FAM200B: variants seen among roughly 807,000 people sequenced by gnomAD.
FAM200B encodes the protein protein FAM200B.
FAM200B carries 32 observed loss-of-function variants against 33.1 expected under a neutral mutation model. That is an observed-to-expected ratio of 0.97 (90% CI 0.73 to 1.30). FAM200B has a LOEUF of 1.30. Among genes scored for constraint, FAM200B ranks in the 50% most tolerant of loss-of-function variants. The probability of loss-of-function intolerance (pLI) is 0.00; values close to 1 mark genes in which losing one functional copy is unlikely to be tolerated. For missense variants in FAM200B, 741 were observed against 754.0 expected, an observed-to-expected ratio of 0.98 and a Z score of 0.20; for synonymous variants, 240 against 264.8, an observed-to-expected ratio of 0.91 and a Z score of 0.91.
the FAM200B span, among the ~76,000 whole-genome samples, chr4:15,650,170 C>T: frequency 1.3e-5 from 2 of 152,124 alleles, no homozygotes; most frequent in Non-Finnish European, 2.9e-5. Context: ...AGGGATGTGG[C>T]TAAACATCCT....
chr4:15,644,723 AAAAAG>A, the FAM200B span: 1 of 1,576,034 alleles, frequency 6.3e-7, no homozygotes, highest in East Asian at 2.3e-5. Context: ...ATAAAAATTT[AAAAAG>A]AAAAGTGTAA....
At chr4:15,642,024 T>A in the FAM200B span, among the ~76,000 whole-genome samples, 1 of 150,926 alleles carries the variant, frequency 6.6e-6, no homozygotes. Flanking sequence ...CAAGACTCTG[T>A]CTTAAAAAAA....
the FAM200B span, among the ~76,000 whole-genome samples, chr4:15,647,586 T>A: frequency 6.6e-6 from 1 of 152,154 alleles, no homozygotes; most frequent in African/African-American, 2.4e-5. Context: ...CTATTAGAAA[T>A]TCTTTTAGAT....
chr4:15,641,068 A>G, the FAM200B span, among the ~76,000 whole-genome samples: 1 of 152,158 alleles, frequency 6.6e-6, no homozygotes, highest in Admixed American at 6.6e-5. Context: ...TTACTTTAGT[A>G]ATGTATGTAA....
chr4:15,643,802 T>TG, the FAM200B span, among the ~76,000 whole-genome samples: 1 of 152,244 alleles, frequency 6.6e-6, no homozygotes, highest in Admixed American at 6.5e-5. Context: ...CACCATTAAC[T>TG]GGATAGCTTT....
the FAM200B span, among the ~76,000 whole-genome samples, chr4:15,656,881 A>G: frequency 2.0e-5 from 3 of 152,018 alleles, no homozygotes; most frequent in Non-Finnish European, 4.4e-5. Context: ...AAGACATTCT[A>G]GTAGTTGCCT....
At chr4:15,670,139 AT>A in the FAM200B span, among the ~76,000 whole-genome samples, 7 of 152,164 alleles carry the variant, frequency 4.6e-5, no homozygotes, top group African/African-American at 1.7e-4. Context: ...TAGTATTCTC[AT>A]ATGTGTTCCA....
Position 15,687,295 on chromosome 4 carries a change from C to G in FAM200B, c.318C>G (p.His106Gln), listed in dbSNP as rs1213417965. Reference sequence around the variant, plus strand: ...TAAAACCTTCGAAATTAAAAAGGCACTTAGAAACTCAGCATGCTGAACTTA... The same window carrying G: ...TAAAACCTTCGAAATTAAAAAGGCAGTTAGAAACTCAGCATGCTGAACTTA... ...ESLKPSKLKRHLETQHAELID... is the reference protein window; with the variant it reads ...ESLKPSKLKRQLETQHAELID... Residue 106 changes from histidine to glutamine, a missense_variant, in exon 2 of 2, where the codon CAC (histidine) becomes CAG (glutamine). By Grantham distance (24) the His-to-Gln change is conservative. Coordinates refer to ENST00000422728, the MANE Select transcript of FAM200B (RefSeq NM_001145191.2). 1 of 1,546,732 alleles carries G rather than the reference C, an allele frequency of 6.5e-7. No individual in the cohort carries two copies. The highest frequency in any genetic ancestry group is 8.7e-7 in the Non-Finnish European group (1 of 1,144,150).
chr4:15,686,923 TTGAG>T lies in FAM200B; in HGVS notation c.-53_-50del, dbSNP rs1341086006. ...AGACTGTATATTTTTTTCTTCTTTT[TTGAG>T]TTAGTGCCAATTATAACATTTTAAT... On this transcript the variant is annotated 5_prime_UTR_variant, in exon 2 of 2. It introduces an in-frame stop codon into an upstream open reading frame of the 5' UTR. Coordinates refer to ENST00000422728, the MANE Select transcript of FAM200B (RefSeq NM_001145191.2). The T allele has an allele frequency of 1.7e-5, 16 of 928,920 alleles. No individual in the cohort carries two copies. In the African/African-American group the frequency reaches 2.2e-4, roughly 13 times the overall value. The allele number at this position is 928,920 out of a possible 1,614,324, so 57.5% of individuals were successfully genotyped here. A position where few individuals can be genotyped will look rare whatever the true frequency, so the allele number is the denominator to read the frequency against.
the FAM200B span, among the ~76,000 whole-genome samples, chr4:15,654,143 A>G: frequency 3.9e-5 from 6 of 152,328 alleles, no homozygotes; most frequent in Admixed American, 3.9e-4. Flanking sequence ...CTGAGCTATG[A>G]AACACCCCTC....
chr4:15,678,648 ATTAAT>A (rs1718082474), upstream of FAM200B, among the ~76,000 whole-genome samples: 1 of 152,240 alleles, frequency 6.6e-6, no homozygotes, highest in Admixed American at 6.5e-5. Context: ...TAGGTAGAGC[ATTAAT>A]TTAAGTATAT....
At chr4:15,642,399 A>AT in the FAM200B span, among the ~76,000 whole-genome samples, 5 of 151,796 alleles carry the variant, frequency 3.3e-5, no homozygotes, top group African/African-American at 1.2e-4. Flanking sequence ...CTCCCAGCTA[A>AT]TTTTTTTGGT....
the FAM200B span, among the ~76,000 whole-genome samples, chr4:15,675,863 A>T: frequency 1.2e-4 from 19 of 152,258 alleles, no homozygotes; most frequent in African/African-American, 4.3e-4. Context: ...GATTACAGGC[A>T]TGAGCCACCG....
the FAM200B span, among the ~76,000 whole-genome samples, chr4:15,668,042 TAA>T: frequency 4.0e-4 from 53 of 132,444 alleles, no homozygotes; most frequent in Non-Finnish European, 5.5e-4. Flanking sequence ...ACTCTATCTC[TAA>T]AAAAAAAAAA....
the FAM200B span, among the ~76,000 whole-genome samples, chr4:15,648,131 A>G: frequency 6.6e-6 from 1 of 152,328 alleles, no homozygotes; most frequent in Admixed American, 6.5e-5. Context: ...TGCTGAGATT[A>G]TAGGCACAAG....
intron 1 of FAM200B, among the ~76,000 whole-genome samples, chr4:15,683,558 A>T (rs933888899): frequency 6.6e-6 from 1 of 152,240 alleles, no homozygotes; most frequent in Admixed American, 6.5e-5. Context: ...TGATCCATAT[A>T]TAGTAATATA....
chr4:15,680,460 C>G (rs1306475150), upstream of FAM200B, among the ~76,000 whole-genome samples: 3 of 152,146 alleles, frequency 2.0e-5, no homozygotes, highest in Non-Finnish European at 4.4e-5. Context: ...CACCTGAGGT[C>G]AGGAGTTCGA....
upstream of FAM200B, among the ~76,000 whole-genome samples, chr4:15,677,595 A>T (rs1055137110): frequency 1.3e-5 from 2 of 152,194 alleles, no homozygotes; most frequent in Non-Finnish European, 1.5e-5. Context: ...GTCATGTCTG[A>T]TCATTGGAAG....
At chr4:15,682,709 G>A (rs1176503100) in intron 1 of FAM200B, among the ~76,000 whole-genome samples, 2 of 152,174 alleles carry the variant, frequency 1.3e-5, no homozygotes, top group African/African-American at 4.8e-5. Flanking sequence ...AGGCACTGTA[G>A]GTAGCTAAAT....
Sources: allele counts gnomAD v4.1 joint callset (sites outside exome capture counted in the v4.1 genomes callset), GRCh38; gene constraint gnomAD v4.1.1; transcripts MANE v1.5; gene names NCBI Gene and HGNC (gene_info 2026-07-23, HGNC 2026-07-21).